GPHN: variants seen among roughly 807,000 people sequenced by gnomAD.
GPHN encodes gephyrin.
In GPHN, 17 loss-of-function variants were observed where a neutral mutation model predicts 95.5. The ratio of observed to expected loss-of-function variants is 0.18; its 90% CI spans 0.12 to 0.27. GPHN has a LOEUF of 0.27. Among genes scored for constraint, GPHN ranks in the 10% least tolerant of loss-of-function variants. The probability of loss-of-function intolerance (pLI) is 1.00; values close to 1 mark genes in which losing one functional copy is unlikely to be tolerated. For synonymous variants in GPHN, 320 were observed against 322.5 expected (o/e 0.99, Z 0.08); for missense variants, 660 against 978.1 (o/e 0.67, Z 4.34).
the GPHN span, chr14:67,586,875 C>T: frequency 6.6e-7 from 1 of 1,520,874 alleles, no homozygotes; most frequent in Non-Finnish European, 8.8e-7. Flanking sequence ...GAGAGGATCT[C>T]CAGACCAACA....
chr14:67,541,830 T>C, the GPHN span: 1 of 1,540,544 alleles, frequency 6.5e-7, no homozygotes, highest in African/African-American at 1.4e-5. Context: ...ATGCTGGTTC[T>C]TAGGGCTCCC....
chr14:67,489,300 C>A, the GPHN span, among the ~76,000 whole-genome samples: 1 of 152,216 alleles, frequency 6.6e-6, no homozygotes, highest in African/African-American at 2.4e-5. Context: ...ATCACCCTGT[C>A]CCCATACAAT....
At chr14:67,131,328 A>G (rs749688447) in intron 17 of GPHN, among the ~76,000 whole-genome samples, 17 of 152,110 alleles carry the variant, frequency 1.1e-4, no homozygotes, top group Admixed American at 2.6e-4. Context: ...CTTTCCCACC[A>G]GATAAGCTCC....
intron 3 of GPHN, among the ~76,000 whole-genome samples, chr14:66,821,394 G>C (rs2061183860): frequency 6.6e-6 from 1 of 152,110 alleles, no homozygotes; most frequent in African/African-American, 2.4e-5. Flanking sequence ...ACTTCAAATT[G>C]TGTATTTCTA....
rs180940190 is a variant in GPHN, at chr14:67,096,400, G to A, written c.1238-4456G>A. 3.9e-5 allele frequency among the ~76,000 whole-genome samples: 6 copies of A among 152,246 alleles called. No homozygotes were observed. The East Asian group carries it at 1.2e-3, about 29-fold the overall frequency. On this transcript the variant is annotated intron_variant, in intron 12 of 22. Coordinates refer to ENST00000478722, the MANE Select transcript of GPHN (RefSeq NM_020806.5). Reference sequence around the variant, plus strand: ...AGCTACTCATTATTCAGTTTATTTAGAGGATTATGCAGAATATTGATATGA... The same window carrying A: ...AGCTACTCATTATTCAGTTTATTTAAAGGATTATGCAGAATATTGATATGA...
chr14:67,099,349 C>T (rs1259144603), intron 12 of GPHN, among the ~76,000 whole-genome samples: 2 of 151,642 alleles, frequency 1.3e-5, no homozygotes, highest in Non-Finnish European at 2.9e-5. Flanking sequence ...CTTGAACTCC[C>T]GACCTCAGGT....
chr14:67,490,428 C>T, the GPHN span, among the ~76,000 whole-genome samples: 1 of 152,230 alleles, frequency 6.6e-6, no homozygotes, highest in Non-Finnish European at 1.5e-5. Context: ...AGGGGAGATA[C>T]TGCAGCCTCC....
At chr14:66,563,396 G>A (rs1432278690) in intron 1 of GPHN, among the ~76,000 whole-genome samples, 1 of 152,100 alleles carries the variant, frequency 6.6e-6, no homozygotes, top group African/African-American at 2.4e-5. Context: ...AGAATGAAGA[G>A]TTCTTTCTGT....
At chr14:67,707,366 A>G in the GPHN span, among the ~76,000 whole-genome samples, 1 of 152,188 alleles carries the variant, frequency 6.6e-6, no homozygotes, top group Non-Finnish European at 1.5e-5. Context: ...CTAAAGACAA[A>G]TTATGGTAGG....
the GPHN span, chr14:67,576,032 GC>G: frequency 6.5e-7 from 1 of 1,548,892 alleles, no homozygotes; most frequent in Non-Finnish European, 8.8e-7. The surrounding 1 kb of genome is among the most constrained non-coding windows in gnomAD (Gnocchi z 4.0). Context: ...GGCCTCCAGG[GC>G]CAAGCTTGGA....
At chr14:66,802,550 C>T (rs1389261069) in intron 3 of GPHN, among the ~76,000 whole-genome samples, 1 of 152,172 alleles carries the variant, frequency 6.6e-6, no homozygotes, top group Non-Finnish European at 1.5e-5. Context: ...ATAGCCACCA[C>T]AGGTGGGAAT....
At chr14:67,028,441 A>T (rs982128639) in intron 10 of GPHN, among the ~76,000 whole-genome samples, 2 of 152,186 alleles carry the variant, frequency 1.3e-5, no homozygotes, top group Non-Finnish European at 2.9e-5. Context: ...GAGGGAGTCC[A>T]TAGTGTTTTT....
At chr14:66,738,935 A>G (rs1331458549) in intron 2 of GPHN, among the ~76,000 whole-genome samples, 1 of 152,130 alleles carries the variant, frequency 6.6e-6, no homozygotes, top group Non-Finnish European at 1.5e-5. Context: ...TTATGGATAT[A>G]TATTTTATTG....
chr14:67,397,838 C>G, the GPHN span: 2 of 1,599,574 alleles, frequency 1.3e-6, no homozygotes, highest in African/African-American at 1.3e-5. Flanking sequence ...TATGGACAGA[C>G]AAGAAAGCCC....
the GPHN span, among the ~76,000 whole-genome samples, chr14:67,198,595 G>A: frequency 7.9e-5 from 12 of 152,122 alleles, no homozygotes; most frequent in South Asian, 4.1e-4. Flanking sequence ...ACATGAAGCC[G>A]TTTTTGGCAT....
the GPHN span, among the ~76,000 whole-genome samples, chr14:67,326,761 T>C: frequency 6.6e-6 from 1 of 152,216 alleles, no homozygotes; most frequent in Non-Finnish European, 1.5e-5. Context: ...TTGATCAACA[T>C]GTTTTTGAGA....
intron 2 of GPHN, chr14:66,709,431 A>G (rs1214938810): frequency 4.4e-6 from 2 of 455,848 alleles, no homozygotes; most frequent in South Asian, 3.1e-5. Context: ...CGATACCACA[A>G]TAGCTGATCT....
chr14:67,094,829 A>G (rs1387136978), intron 12 of GPHN, among the ~76,000 whole-genome samples: 1 of 152,220 alleles, frequency 6.6e-6, no homozygotes, highest in Non-Finnish European at 1.5e-5. Flanking sequence ...ACATAGTGCA[A>G]CACATTACCT....
At chr14:66,578,673 A>AC (rs2061010367) in intron 1 of GPHN, among the ~76,000 whole-genome samples, 1 of 146,586 alleles carries the variant, frequency 6.8e-6, no homozygotes, top group African/African-American at 2.5e-5. Context: ...AAAAAAAAAA[A>AC]GCAAACAAAA....
Sources: allele counts gnomAD v4.1 joint callset (sites outside exome capture counted in the v4.1 genomes callset), GRCh38; gene constraint gnomAD v4.1.1; non-coding constraint Gnocchi (gnomAD v3.1); transcripts MANE v1.5; gene names NCBI Gene and HGNC (gene_info 2026-07-23, HGNC 2026-07-21).